Variants in SGCZ observed in about 807,000 individuals in gnomAD.
The protein encoded by SGCZ is zeta-sarcoglycan.
A neutral mutation model predicts 41.3 loss-of-function variants in SGCZ; 40 were observed. The observed-to-expected ratio is 0.97, with a 90% CI of 0.75 to 1.26. The LOEUF is 1.26. Among genes scored for constraint, SGCZ ranks in the 50% most tolerant of loss-of-function variants. The pLI is 0.00. For missense variants in SGCZ, 552 were observed against 369.8 expected, an observed-to-expected ratio of 1.49 and a Z score of -4.04; for synonymous variants, 206 against 137.5, an observed-to-expected ratio of 1.50 and a Z score of -3.49.
intron 1 of SGCZ, among the ~76,000 whole-genome samples, chr8:14,808,439 T>G (rs1222821914): frequency 2.0e-5 from 3 of 152,066 alleles, no homozygotes; most frequent in Non-Finnish European, 2.9e-5. Flanking sequence ...AACAGACACT[T>G]CTCAAAAGAA....
intron 3 of SGCZ, among the ~76,000 whole-genome samples, chr8:14,255,354 G>C (rs1348451156): frequency 6.6e-6 from 1 of 152,202 alleles, no homozygotes; most frequent in East Asian, 1.9e-4. Context: ...CTCATTCGAA[G>C]ATGTTTTCAT....
At chr8:14,269,032 A>G (rs1369578303) in intron 3 of SGCZ, among the ~76,000 whole-genome samples, 1 of 152,028 alleles carries the variant, frequency 6.6e-6, no homozygotes, top group East Asian at 1.9e-4. Flanking sequence ...ATATAAAACA[A>G]TAATAATCAC....
intron 4 of SGCZ, among the ~76,000 whole-genome samples, chr8:14,196,810 T>C (rs1179039697): frequency 6.6e-6 from 1 of 152,062 alleles, no homozygotes; most frequent in African/African-American, 2.4e-5. Context: ...ATTAAAAGAA[T>C]GGAAAAATAT....
rs191504873 is a variant in SGCZ, at chr8:14,652,396, T to C, written c.40-97470A>G. On this transcript the variant is annotated intron_variant, in intron 1 of 7. Coordinates refer to ENST00000382080, the MANE Select transcript of SGCZ (RefSeq NM_139167.4). ...CACTGAAATAATGCATATATATTCA[T>C]AATAATAATATTTGAACAATTCCTA... is the stretch of plus-strand genomic sequence containing the variant. Among the ~76,000 whole-genome samples, 17 of 150,478 alleles carry C rather than the reference T, an allele frequency of 1.1e-4. No individual in the cohort carries two copies. In the East Asian group the frequency reaches 2.0e-3, roughly 17 times the overall value.
chr8:15,001,928 A>G (rs1421687096), intron 1 of SGCZ, among the ~76,000 whole-genome samples: 1 of 152,096 alleles, frequency 6.6e-6, no homozygotes, highest in Non-Finnish European at 1.5e-5. Flanking sequence ...AGGCAGTTTG[A>G]TTCCTGATGA....
At chr8:14,525,177 TAGATAGATAGATAGATAGAC>T (rs769410369) in intron 2 of SGCZ, among the ~76,000 whole-genome samples, 5,310 of 143,510 alleles carry the variant, frequency 0.037, 131 homozygotes, top group Non-Finnish European at 0.061. Flanking sequence ...GATAGATAGA[TAGATAGATAGATAGATAGAC>T]AGACAGACAG....
intron 1 of SGCZ, among the ~76,000 whole-genome samples, chr8:14,773,701 T>C (rs760504628): frequency 1.3e-5 from 2 of 152,162 alleles, no homozygotes; most frequent in African/African-American, 4.8e-5. Context: ...AAGATTAACA[T>C]GCATCATACA....
At chr8:14,399,102 C>T (rs1175776096) in intron 2 of SGCZ, among the ~76,000 whole-genome samples, 2 of 152,022 alleles carry the variant, frequency 1.3e-5, no homozygotes, top group African/African-American at 2.4e-5. Context: ...ATTTTGAGAG[C>T]TGAAAAGAAA....
chr8:14,173,146 T>C (rs746243686), intron 4 of SGCZ, among the ~76,000 whole-genome samples: 3 of 149,380 alleles, frequency 2.0e-5, no homozygotes, highest in Non-Finnish European at 4.5e-5. Flanking sequence ...GATATGCTAA[T>C]AAACTAACTT....
chr8:14,687,331 C>G (rs1339728818), intron 1 of SGCZ, among the ~76,000 whole-genome samples: 2 of 111,532 alleles, frequency 1.8e-5, no homozygotes, highest in East Asian at 4.6e-4. Context: ...TCTCCTAAAG[C>G]TATCCCTCCC....
At chr8:14,676,117 G>C (rs532708287) in intron 1 of SGCZ, among the ~76,000 whole-genome samples, 1 of 152,184 alleles carries the variant, frequency 6.6e-6, no homozygotes, top group South Asian at 2.1e-4. Flanking sequence ...AATAGTTTGT[G>C]TTCCTACCAG....
rs117184853 is a variant in SGCZ at position 14,225,905 on chromosome 8, T to C, written c.424+11687A>G. 2.0e-4 allele frequency among the ~76,000 whole-genome samples: 30 copies of C among 152,230 alleles called. No homozygotes were observed. The South Asian group carries it at 5.2e-3, about 26-fold the overall frequency. ...GCGACCGACAAGCATTTATTATACA[T>C]TTTATGATACCTCTGAAAGAAATAA... On this transcript the variant is annotated intron_variant, in intron 4 of 7. Coordinates refer to ENST00000382080, the MANE Select transcript of SGCZ (RefSeq NM_139167.4).
At chr8:14,521,578 A>G (rs543723453) in intron 2 of SGCZ, among the ~76,000 whole-genome samples, 1 of 152,166 alleles carries the variant, frequency 6.6e-6, no homozygotes. Flanking sequence ...AGCTGTTTCC[A>G]AAATTTAACA....
intron 1 of SGCZ, among the ~76,000 whole-genome samples, chr8:14,832,125 T>C (rs1397777106): frequency 5.9e-5 from 9 of 152,202 alleles, no homozygotes; most frequent in Admixed American, 1.3e-4. Context: ...TAAGTCACTA[T>C]TGAAGTGCAT....
At chr8:14,990,953 G>A (rs1027106070) in intron 1 of SGCZ, among the ~76,000 whole-genome samples, 3 of 152,118 alleles carry the variant, frequency 2.0e-5, no homozygotes, top group Admixed American at 1.3e-4. Flanking sequence ...CAGGAGGGCA[G>A]AAATTGGGTT....
intron 1 of SGCZ, among the ~76,000 whole-genome samples, chr8:15,061,516 G>A (rs575286664): frequency 2.1e-5 from 3 of 141,528 alleles, no homozygotes; most frequent in East Asian, 2.1e-4. Context: ...ATGTATCCCA[G>A]AACTTACAGT....
At chr8:14,358,620 A>C (rs577934177) in intron 2 of SGCZ, among the ~76,000 whole-genome samples, 1 of 152,036 alleles carries the variant, frequency 6.6e-6, no homozygotes, top group Non-Finnish European at 1.5e-5. Context: ...GTATATATAT[A>C]TATTTTTTTG....
At chr8:15,173,141 C>T (rs1041155530) in intron 1 of SGCZ, among the ~76,000 whole-genome samples, 3 of 152,214 alleles carry the variant, frequency 2.0e-5, no homozygotes, top group Non-Finnish European at 4.4e-5. Context: ...AGGCTTGCCA[C>T]TGTAAGCCTG....
chr8:14,392,968 T>C (rs1459631121), intron 2 of SGCZ, among the ~76,000 whole-genome samples: 1 of 152,174 alleles, frequency 6.6e-6, no homozygotes, highest in Non-Finnish European at 1.5e-5. Context: ...TTGTACTTAA[T>C]TAATTTTTAT....
Sources: gnomAD v4.1 joint callset for allele counts (sites outside exome capture counted in the v4.1 genomes callset) on GRCh38, gnomAD v4.1.1 for gene constraint, MANE v1.5 for transcripts, NCBI Gene and HGNC (gene_info 2026-07-23, HGNC 2026-07-21) for gene names.